Variants in SOX5 observed in about 807,000 individuals in gnomAD.
The protein encoded by SOX5 is SRY-box transcription factor 5.
A neutral mutation model predicts 92.0 loss-of-function variants in SOX5; 9 were observed. The ratio of observed to expected loss-of-function variants is 0.10; its 90% CI spans 0.06 to 0.17. SOX5 has a LOEUF of 0.17. Among genes scored for constraint, SOX5 ranks in the 10% least tolerant of loss-of-function variants. The probability of loss-of-function intolerance (pLI) is 1.00; values close to 1 mark genes in which losing one functional copy is unlikely to be tolerated. For synonymous variants in SOX5, 344 were observed against 336.3 expected, an observed-to-expected ratio of 1.02 and a Z score of -0.25; for missense variants, 642 against 944.5, an observed-to-expected ratio of 0.68 and a Z score of 4.20.
At chr12:24,190,166 G>C (rs1248474480) in intron 4 of SOX5, among the ~76,000 whole-genome samples, 1 of 152,136 alleles carries the variant, frequency 6.6e-6, no homozygotes, top group East Asian at 1.9e-4. Context: ...ACAAAGTTAA[G>C]CCTGAGTTTC....
At chr12:23,816,640 T>C (rs907741094) in intron 3 of SOX5, among the ~76,000 whole-genome samples, 1 of 152,088 alleles carries the variant, frequency 6.6e-6, no homozygotes, top group African/African-American at 2.4e-5. Context: ...CAACCAGATA[T>C]CTTAAGCAAA....
At chr12:24,515,026 C>T (rs747533066) in intron 1 of SOX5, among the ~76,000 whole-genome samples, 10 of 152,104 alleles carry the variant, frequency 6.6e-5, no homozygotes, top group Non-Finnish European at 1.3e-4. Context: ...CAAGCCTGCA[C>T]ATGTACCCTA....
intron 4 of SOX5, among the ~76,000 whole-genome samples, chr12:23,985,848 A>T (rs902650996): frequency 6.6e-6 from 1 of 152,134 alleles, no homozygotes; most frequent in African/African-American, 2.4e-5. Context: ...CTTTTCTGGA[A>T]GTTCTTGGGA....
chr12:23,634,688 AG>A (rs2078991421), intron 8 of SOX5, among the ~76,000 whole-genome samples: 1 of 152,148 alleles, frequency 6.6e-6, no homozygotes, highest in Non-Finnish European at 1.5e-5. Context: ...AAATGAGAAT[AG>A]TTTATTATAA....
chr12:24,043,643 C>A (rs567526241), intron 4 of SOX5, among the ~76,000 whole-genome samples: 1 of 152,264 alleles, frequency 6.6e-6, no homozygotes, highest in South Asian at 2.1e-4. Flanking sequence ...AGTATCCTAA[C>A]AAGACACAAG....
rs578067012 is a variant in SOX5, at chr12:24,296,201, G to A, written c.-173-18889C>T. Among the ~76,000 whole-genome samples the A allele has an allele frequency of 3.5e-4, 54 of 152,254 alleles. 1 individual carries two copies. The South Asian group carries it at 1.0e-2, about 28-fold the overall frequency. ...CATTAGCAGAAGTATCTCTTTATACGCTGGTTTTATTTCATTAAGATATCA... is the reference window on the plus strand; with the variant it reads ...CATTAGCAGAAGTATCTCTTTATACACTGGTTTTATTTCATTAAGATATCA... On this transcript the variant is annotated intron_variant, in intron 2 of 4. Coordinates refer to the SOX5 transcript ENST00000446891.
chr12:24,264,751 C>T (rs183653134), intron 3 of SOX5, among the ~76,000 whole-genome samples: 2 of 152,234 alleles, frequency 1.3e-5, no homozygotes, highest in Admixed American at 1.3e-4. Context: ...CATGAGATAA[C>T]TGCTTCATTA....
At chr12:24,545,705 C>T (rs78793416) in intron 1 of SOX5, among the ~76,000 whole-genome samples, 230 of 152,324 alleles carry the variant, frequency 1.5e-3, no homozygotes, top group Non-Finnish European at 2.7e-3. Context: ...CGCTGCCCAG[C>T]GGCACTTGCT....
chr12:24,157,188 T>C (rs1225213298), intron 4 of SOX5, among the ~76,000 whole-genome samples: 1 of 152,114 alleles, frequency 6.6e-6, no homozygotes, highest in East Asian at 1.9e-4. Flanking sequence ...GGCATTCCTA[T>C]ACATAGTTAA....
rs757135572 is a variant in SOX5 at position 23,640,772 on chromosome 12, T to C, written c.1017+40A>G. ...CACCATAATAGCTGTTTTCGATATT[T>C]ACTTAACCTTTGTCTCCTCTGTATT... On this transcript the variant is annotated intron_variant, in intron 8 of 14. Transcript: ENST00000451604. The C allele has an allele frequency of 2.8e-6, 4 of 1,442,732 alleles. No homozygotes were observed. The African/African-American group carries it at 5.6e-5, about 20-fold the overall frequency. 89.4% of individuals were successfully genotyped at this position (1,442,732 alleles called of 1,614,324 possible). A position where few individuals can be genotyped will look rare whatever the true frequency, so the allele number is the denominator to read the frequency against.
At chr12:24,397,994 T>C (rs1356855681) in intron 1 of SOX5, among the ~76,000 whole-genome samples, 2 of 152,010 alleles carry the variant, frequency 1.3e-5, no homozygotes, top group East Asian at 1.9e-4. Flanking sequence ...GGACTACAGG[T>C]GCCCGCCACC....
intron 3 of SOX5, among the ~76,000 whole-genome samples, chr12:23,807,069 C>T (rs1006235840): frequency 1.3e-5 from 2 of 152,166 alleles, no homozygotes; most frequent in Non-Finnish European, 2.9e-5. Flanking sequence ...TGCCCTATAT[C>T]AATGTTTCCA....
chr12:23,545,765 A>T (rs570722501), intron 12 of SOX5, among the ~76,000 whole-genome samples: 1 of 152,128 alleles, frequency 6.6e-6, no homozygotes, highest in South Asian at 2.1e-4. Flanking sequence ...GGCCGCATGC[A>T]GTAACTCACG....
At chr12:23,816,187 G>A (rs942814169) in intron 3 of SOX5, among the ~76,000 whole-genome samples, 8 of 149,598 alleles carry the variant, frequency 5.3e-5, no homozygotes, top group African/African-American at 2.0e-4. Context: ...TAATGGAGGA[G>A]AGACACTTGG....
intron 8 of SOX5, among the ~76,000 whole-genome samples, chr12:23,613,486 A>G (rs1322732059): frequency 6.6e-6 from 1 of 152,204 alleles, no homozygotes; most frequent in Non-Finnish European, 1.5e-5. Context: ...GAATTACTAT[A>G]TAACCTGGTA....
At position 24,389,263 on chromosome 12, in the gene SOX5, C is replaced by G. The variant is rs940661228; in HGVS notation, c.-250-20624G>C. ...AGAATGATGATTTCCAATTTCATCC[C>G]TGTCCCTACAAAGGACATGAACTCA... is the stretch of plus-strand genomic sequence containing the variant. On this transcript the variant is annotated intron_variant, in intron 1 of 4. Coordinates refer to the SOX5 transcript ENST00000446891. 4.6e-5 allele frequency among the ~76,000 whole-genome samples: 7 copies of G among 152,222 alleles called. No individual in the cohort carries two copies. The South Asian group carries it at 6.2e-4, about 14-fold the overall frequency.
At chr12:24,498,634 A>G (rs1487274452) in intron 1 of SOX5, among the ~76,000 whole-genome samples, 2 of 152,234 alleles carry the variant, frequency 1.3e-5, no homozygotes, top group Non-Finnish European at 2.9e-5. Flanking sequence ...ACTCTAATAC[A>G]TAATTCCTAC....
At chr12:23,756,386 G>A (rs1287646155) in intron 3 of SOX5, among the ~76,000 whole-genome samples, 1 of 151,810 alleles carries the variant, frequency 6.6e-6, no homozygotes, top group African/African-American at 2.4e-5. Context: ...TATTCAGACA[G>A]GGCACACACA....
intron 1 of SOX5, among the ~76,000 whole-genome samples, chr12:24,554,979 G>A (rs1953624285): frequency 6.6e-6 from 1 of 152,208 alleles, no homozygotes; most frequent in African/African-American, 2.4e-5. Flanking sequence ...GAAGAAAAGA[G>A]ACTTTCTATT....
Sources: allele counts gnomAD v4.1 joint callset (sites outside exome capture counted in the v4.1 genomes callset), GRCh38; gene constraint gnomAD v4.1.1; transcripts MANE v1.5; gene names NCBI Gene and HGNC (gene_info 2026-07-23, HGNC 2026-07-21).